Variants in ACKR3 observed in about 807,000 individuals in gnomAD.
ACKR3 encodes the protein C-X-C chemokine receptor type 7.
Under a neutral mutation model 22.4 loss-of-function variants are expected in ACKR3, and 6 were observed. The ratio of observed to expected loss-of-function variants is 0.27; its 90% CI spans 0.15 to 0.53. The LOEUF is 0.53. Ranked by LOEUF, ACKR3 falls within the 20% of genes least tolerant of loss-of-function variation. The pLI is 0.96. For synonymous variants in ACKR3, 209 were observed against 205.2 expected, an observed-to-expected ratio of 1.02 and a Z score of -0.16; for missense variants, 396 against 475.2, an observed-to-expected ratio of 0.83 and a Z score of 1.55.
chr2:236,568,697 C>T (rs1267591192), upstream of ACKR3, among the ~76,000 whole-genome samples: 2 of 152,264 alleles, frequency 1.3e-5, no homozygotes, highest in African/African-American at 4.8e-5. Flanking sequence ...GCTTTCTCCA[C>T]ACGGAGACTT....
At chr2:236,538,092 T>G in the ACKR3 span, among the ~76,000 whole-genome samples, 3 of 152,222 alleles carry the variant, frequency 2.0e-5, no homozygotes, top group Non-Finnish European at 4.4e-5. Flanking sequence ...GTTTTCTTTT[T>G]TTTTTCTAGC....
chr2:236,555,763 G>A, the ACKR3 span, among the ~76,000 whole-genome samples: 16 of 151,724 alleles, frequency 1.1e-4, no homozygotes, highest in African/African-American at 3.6e-4. Flanking sequence ...GTTCTAGTTG[G>A]GTTTCTGGAA....
the ACKR3 span, among the ~76,000 whole-genome samples, chr2:236,546,656 C>A: frequency 1.3e-5 from 2 of 152,180 alleles, no homozygotes; most frequent in Non-Finnish European, 2.9e-5. The surrounding 1 kb of genome is among the most constrained non-coding windows in gnomAD (Gnocchi z 4.9). Flanking sequence ...ACCTGGGCAG[C>A]AGAGAGTGCG....
At chr2:236,571,392 T>A (rs1288481072) in intron 1 of ACKR3, among the ~76,000 whole-genome samples, 1 of 152,032 alleles carries the variant, frequency 6.6e-6, no homozygotes, top group Non-Finnish European at 1.5e-5. Flanking sequence ...GATGGAGAAA[T>A]GGCTGCAGTT....
chr2:236,571,829 G>A (rs2167581), intron 1 of ACKR3, among the ~76,000 whole-genome samples: 1 of 151,956 alleles, frequency 6.6e-6, no homozygotes, highest in East Asian at 1.9e-4. Flanking sequence ...CTCAAAGATT[G>A]CAAAACTTTA....
chr2:236,570,590 C>G (rs1691288656), intron 1 of ACKR3, among the ~76,000 whole-genome samples: 1 of 152,184 alleles, frequency 6.6e-6, no homozygotes, highest in Non-Finnish European at 1.5e-5. Flanking sequence ...GTATTGTTCT[C>G]TTAGAAGGTG....
upstream of ACKR3, among the ~76,000 whole-genome samples, chr2:236,567,192 G>A (rs1015046146): frequency 3.3e-5 from 5 of 152,086 alleles, no homozygotes; most frequent in Admixed American, 6.6e-5. Flanking sequence ...GTAGAGATGG[G>A]GTTTCACCAT....
At chr2:236,562,815 G>A (rs556126534), upstream of ACKR3, among the ~76,000 whole-genome samples, 3 of 152,176 alleles carry the variant, frequency 2.0e-5, no homozygotes, top group Non-Finnish European at 4.4e-5. Flanking sequence ...TGAGGCGGGT[G>A]TGGGAGGAGC....
the ACKR3 span, among the ~76,000 whole-genome samples, chr2:236,543,841 C>CAAAAT: frequency 4.6e-5 from 7 of 150,746 alleles, no homozygotes; most frequent in South Asian, 1.1e-3. Context: ...TGATGGGATT[C>CAAAAT]AAAATAAAAT....
At chr2:236,565,172 A>T (rs1212106662), upstream of ACKR3, among the ~76,000 whole-genome samples, 1 of 152,062 alleles carries the variant, frequency 6.6e-6, no homozygotes, top group Non-Finnish European at 1.5e-5. Flanking sequence ...GAAACCACTC[A>T]TGTGCATCCT....
intron 1 of ACKR3, among the ~76,000 whole-genome samples, chr2:236,570,503 C>T (rs1559470919): frequency 6.6e-6 from 1 of 152,104 alleles, no homozygotes; most frequent in African/African-American, 2.4e-5. Flanking sequence ...TCTGTAAGTC[C>T]GGAAGCTATA....
At chr2:236,556,273 C>T in the ACKR3 span, among the ~76,000 whole-genome samples, 3,721 of 152,160 alleles carry the variant, frequency 0.024, 155 homozygotes, top group African/African-American at 0.086. Context: ...GCGCTTGCCA[C>T]GGAGATGGGA....
intron 1 of ACKR3, among the ~76,000 whole-genome samples, chr2:236,573,449 C>A (rs1360961280): frequency 2.6e-5 from 4 of 152,244 alleles, no homozygotes; most frequent in African/African-American, 9.6e-5. Flanking sequence ...TTCACCCGGC[C>A]TGGCCTCAGT....
In ACKR3 at chr2:236,577,044, G is replaced by T. The variant is rs1395954445; in HGVS notation, c.-26-3396G>T. ...CGTCCAGGCCCCGAGAGGAAAGCAG[G>T]TGGTCAGGGTGTGGGCCTCTGGCTT... is the stretch of plus-strand genomic sequence containing the variant. On this transcript the variant is annotated intron_variant, in intron 1 of 1. Transcript: ENST00000272928. The surrounding 1 kb of genome is among the most constrained non-coding windows in gnomAD (Gnocchi z 5.6). 6.6e-6 allele frequency among the ~76,000 whole-genome samples: 1 copy of T among 152,200 alleles called. No homozygotes were observed. The highest frequency in any genetic ancestry group is 1.5e-5 in the Non-Finnish European group (1 of 68,036).
the ACKR3 span, among the ~76,000 whole-genome samples, chr2:236,557,046 C>T: frequency 6.6e-6 from 1 of 152,168 alleles, no homozygotes; most frequent in Admixed American, 6.5e-5. Flanking sequence ...CAATAAGACG[C>T]TAATAAAGTT....
the ACKR3 span, among the ~76,000 whole-genome samples, chr2:236,542,168 T>C: frequency 6.6e-6 from 1 of 152,176 alleles, no homozygotes; most frequent in Non-Finnish European, 1.5e-5. Context: ...GTGATGAAAA[T>C]TTAGGGCCTA....
At chr2:236,549,755 T>A in the ACKR3 span, among the ~76,000 whole-genome samples, 5 of 152,324 alleles carry the variant, frequency 3.3e-5, 1 homozygote, top group African/African-American at 9.6e-5. This position sits in a 1 kb window ranked among gnomAD's most constrained non-coding sequence, Gnocchi z 5.3. Context: ...CCTCCATAGC[T>A]GTGTCAGGTG....
chr2:236,543,971 A>ATG, the ACKR3 span, among the ~76,000 whole-genome samples: 1 of 66,898 alleles, frequency 1.5e-5, no homozygotes, highest in Non-Finnish European at 2.6e-5. Context: ...ATATATATAT[A>ATG]TATATATATA....
At chr2:236,549,489 G>C in the ACKR3 span, among the ~76,000 whole-genome samples, 2 of 152,220 alleles carry the variant, frequency 1.3e-5, no homozygotes, top group African/African-American at 4.8e-5. This position sits in a 1 kb window ranked among gnomAD's most constrained non-coding sequence, Gnocchi z 5.3. Flanking sequence ...TGAAAGATTA[G>C]TCTTCATGAG....
Sources: allele counts gnomAD v4.1 joint callset (sites outside exome capture counted in the v4.1 genomes callset), GRCh38; gene constraint gnomAD v4.1.1; non-coding constraint Gnocchi (gnomAD v3.1); transcripts MANE v1.5; gene names NCBI Gene and HGNC (gene_info 2026-07-23, HGNC 2026-07-21).